CCSER1: variants seen among roughly 807,000 people sequenced by gnomAD.
CCSER1 encodes serine-rich coiled-coil domain-containing protein 1.
Under a neutral mutation model 82.0 loss-of-function variants are expected in CCSER1, and 41 were observed. The observed-to-expected ratio is 0.50, with a 90% CI of 0.39 to 0.65. The LOEUF (loss-of-function observed/expected upper bound fraction) is 0.65, where lower values mean the gene tolerates loss of function less well. Among genes scored for constraint, CCSER1 ranks in the 30% least tolerant of loss-of-function variants. CCSER1 has a pLI of 0.00. For missense variants in CCSER1, 1,119 were observed against 1,064.2 expected, an observed-to-expected ratio of 1.05 and a Z score of -0.72; for synonymous variants, 414 against 383.9, an observed-to-expected ratio of 1.08 and a Z score of -0.92.
chr4:90,423,999 G>A (rs1428004034), intron 4 of CCSER1, among the ~76,000 whole-genome samples: 1 of 151,298 alleles, frequency 6.6e-6, no homozygotes, highest in Non-Finnish European at 1.5e-5. Context: ...GCTGAGGCAG[G>A]AGAATGGCGT....
intron 7 of CCSER1, among the ~76,000 whole-genome samples, chr4:90,763,536 C>T (rs1399865098): frequency 6.6e-6 from 1 of 152,096 alleles, no homozygotes; most frequent in African/African-American, 2.4e-5. Flanking sequence ...TTGTCAGTGT[C>T]TTGATATTTT....
chr4:90,977,595 T>C (rs1379436259), intron 9 of CCSER1, among the ~76,000 whole-genome samples: 2 of 151,622 alleles, frequency 1.3e-5, no homozygotes, highest in African/African-American at 4.8e-5. Flanking sequence ...CACTAGACAG[T>C]TAATTTCCTA....
At chr4:90,506,313 T>C (rs750504037) in intron 5 of CCSER1, among the ~76,000 whole-genome samples, 5 of 152,218 alleles carry the variant, frequency 3.3e-5, no homozygotes, top group Non-Finnish European at 5.9e-5. Flanking sequence ...TATTTTTTCA[T>C]GTCATGAGCA....
chr4:91,215,350 A>T (rs140624863), intron 10 of CCSER1, among the ~76,000 whole-genome samples: 18 of 152,320 alleles, frequency 1.2e-4, no homozygotes, highest in African/African-American at 4.1e-4. Flanking sequence ...TTATTAATGT[A>T]TTAGGGTTCT....
chr4:91,456,855 G>T (rs1347240963), intron 10 of CCSER1, among the ~76,000 whole-genome samples: 1 of 151,922 alleles, frequency 6.6e-6, no homozygotes, highest in East Asian at 1.9e-4. Context: ...TGCCAATCTG[G>T]ATAAATTAAA....
At chr4:91,412,952 CAAA>C (rs200915923) in intron 10 of CCSER1, among the ~76,000 whole-genome samples, 1 of 86,752 alleles carries the variant, frequency 1.2e-5, no homozygotes, top group Non-Finnish European at 2.5e-5. Flanking sequence ...CATAAGGAAA[CAAA>C]AAAAAAACAG....
At chr4:90,542,964 T>A (rs1376476109) in intron 5 of CCSER1, among the ~76,000 whole-genome samples, 1 of 152,190 alleles carries the variant, frequency 6.6e-6, no homozygotes, top group Non-Finnish European at 1.5e-5. Context: ...GTATTATACA[T>A]ATTCACATTT....
chr4:90,792,439 C>T (rs1405248429), intron 7 of CCSER1, among the ~76,000 whole-genome samples: 1 of 152,156 alleles, frequency 6.6e-6, no homozygotes, highest in Non-Finnish European at 1.5e-5. Context: ...TTCCCAAGCA[C>T]TGCCCAATGT....
intron 10 of CCSER1, among the ~76,000 whole-genome samples, chr4:91,208,698 T>G (rs1321471444): frequency 6.6e-6 from 1 of 151,932 alleles, no homozygotes; most frequent in African/African-American, 2.4e-5. Context: ...CCTTAGCTAT[T>G]CAGGCTCTTT....
At chr4:91,280,795 C>T (rs938827433) in intron 10 of CCSER1, among the ~76,000 whole-genome samples, 1 of 152,166 alleles carries the variant, frequency 6.6e-6, no homozygotes, top group African/African-American at 2.4e-5. Context: ...GCTCTGACAG[C>T]AGCCAGCAGC....
At chr4:90,685,238 A>T (rs13113267) in intron 6 of CCSER1, among the ~76,000 whole-genome samples, 1 of 151,818 alleles carries the variant, frequency 6.6e-6, no homozygotes, top group African/African-American at 2.4e-5. Context: ...CATCAACTTC[A>T]GGCTAGAACA....
chr4:90,531,555 T>A (rs1774537195), intron 5 of CCSER1, among the ~76,000 whole-genome samples: 1 of 152,180 alleles, frequency 6.6e-6, no homozygotes, highest in African/African-American at 2.4e-5. Flanking sequence ...AGAGGGGCAA[T>A]ACTTTCATTG....
intron 10 of CCSER1, among the ~76,000 whole-genome samples, chr4:91,238,955 C>T (rs1036509195): frequency 5.3e-5 from 8 of 151,974 alleles, no homozygotes; most frequent in Non-Finnish European, 1.0e-4. Flanking sequence ...TCCCAAGTAG[C>T]TGGGACTACA....
intron 10 of CCSER1, among the ~76,000 whole-genome samples, chr4:91,208,614 GT>G: frequency 6.6e-6 from 1 of 151,844 alleles, no homozygotes; most frequent in Admixed American, 6.6e-5. Context: ...GTACCATGCT[GT>G]TTCGGTTACT....
chr4:90,862,313 G>A (rs1561266069), intron 8 of CCSER1, among the ~76,000 whole-genome samples: 1 of 151,806 alleles, frequency 6.6e-6, no homozygotes, highest in Non-Finnish European at 1.5e-5. Context: ...AAATAATTAT[G>A]TACGTTAGAA....
At chr4:90,890,999 A>G (rs1302995561) in intron 8 of CCSER1, among the ~76,000 whole-genome samples, 1 of 152,144 alleles carries the variant, frequency 6.6e-6, no homozygotes, top group African/African-American at 2.4e-5. Context: ...TAGTTACATT[A>G]CATAGCAAAG....
intron 10 of CCSER1, among the ~76,000 whole-genome samples, chr4:91,528,083 T>C (rs1303860884): frequency 2.0e-5 from 3 of 152,004 alleles, no homozygotes; most frequent in Admixed American, 6.6e-5. Context: ...TCCAGCTAAC[T>C]TTTTTTGTAG....
chr4:90,208,417 A>G (rs1380145990), intron 1 of CCSER1, among the ~76,000 whole-genome samples: 2 of 151,998 alleles, frequency 1.3e-5, no homozygotes, highest in East Asian at 3.9e-4. Flanking sequence ...ATTTCAAGCC[A>G]TTGGATCTTA....
At chr4:90,711,715 T>A (rs1740642533) in intron 6 of CCSER1, among the ~76,000 whole-genome samples, 1 of 147,208 alleles carries the variant, frequency 6.8e-6, no homozygotes, top group South Asian at 2.1e-4. Context: ...TTTGATGTCC[T>A]GCTGGATTTT....
Sources: allele counts gnomAD v4.1 joint callset (sites outside exome capture counted in the v4.1 genomes callset), GRCh38; gene constraint gnomAD v4.1.1; transcripts MANE v1.5; gene names NCBI Gene and HGNC (gene_info 2026-07-23, HGNC 2026-07-21).